Variants in CNNM3 observed in about 807,000 individuals in gnomAD.
CNNM3 encodes metal transporter CNNM3.
Under a neutral mutation model 57.1 loss-of-function variants are expected in CNNM3, and 47 were observed. That is an observed-to-expected ratio of 0.82 (90% CI 0.65 to 1.05). CNNM3 has a LOEUF of 1.05. Among genes scored for constraint, CNNM3 ranks in the 50% least tolerant of loss-of-function variants. The pLI is 0.00. For synonymous variants in CNNM3, 507 were observed against 478.2 expected (o/e 1.06, Z -0.79); for missense variants, 957 against 973.7 (o/e 0.98, Z 0.23).
chr2:96,828,783 C>T (rs1244039816), intron 6 of CNNM3, 83 bp downstream of exon 6: 17 of 1,566,010 alleles, frequency 1.1e-5, no homozygotes, highest in South Asian at 9.2e-5. Flanking sequence ...TGAGACTGCC[C>T]GGAACAAGGC....
chr2:96,827,845 A>C lies in CNNM3; in HGVS notation c.1634A>C (p.His545Pro), dbSNP rs769584782. Residue 545 changes from histidine (H) to proline (P), a missense_variant, in exon 4 of 8, where the codon CAC becomes CCC. Transcript: ENST00000305510. ...GACGAGAGCAACCGGCTGGCCACAC[A>C]CCACTACCTGTACCAGCGCAGCCAG... ...RFDESNRLATHHYLYQRSQPV... is the reference protein window; with the variant it reads ...RFDESNRLATPHYLYQRSQPV... 4 of 1,614,024 alleles carry C rather than the reference A, an allele frequency of 2.5e-6. No individual in the cohort carries two copies. In the South Asian group the frequency reaches 3.3e-5, roughly 13 times the overall value.
chr2:96,835,920 AGTGGTGGACACCT>A (rs1379875271), downstream of CNNM3, among the ~76,000 whole-genome samples: 1 of 152,024 alleles, frequency 6.6e-6, no homozygotes, highest in Non-Finnish European at 1.5e-5. Flanking sequence ...TGCATTTCCC[AGTGGTGGACACCT>A]GTGTTTCGCT....
chr2:96,822,254 C>T (rs763368034), intron 1 of CNNM3, among the ~76,000 whole-genome samples: 1 of 152,056 alleles, frequency 6.6e-6, no homozygotes, highest in Non-Finnish European at 1.5e-5. Flanking sequence ...CCGCCCGTCT[C>T]GGCCTCCCAA....
downstream of CNNM3, among the ~76,000 whole-genome samples, chr2:96,836,298 A>G (rs2079690773): frequency 6.8e-6 from 1 of 147,370 alleles, no homozygotes; most frequent in South Asian, 2.1e-4. Flanking sequence ...GCTGGAGTTC[A>G]ATGGCGTGGT....
chr2:96,826,841 G>A lies in CNNM3; in HGVS notation c.1378G>A (p.Val460Met), dbSNP rs140576686. Residue 460 changes from valine to methionine, a missense_variant, in exon 3 of 8, where the codon GTG becomes ATG. Transcript: ENST00000305510. ...LDESEDYRDTVVKRKPASLMA... is the reference protein window; with the variant it reads ...LDESEDYRDTMVKRKPASLMA... The stretch of plus-strand genomic sequence containing the variant: ...CTCTTCTTCCATCTTAGGAGACACC[G>A]TGGTGAAGAGGAAGCCTGCTTCTCT... The A allele has an allele frequency of 3.8e-4, 610 of 1,614,190 alleles. 1 individual carries two copies. The African/African-American group carries it at 6.3e-3, about 17-fold the overall frequency.
At chr2:96,817,619 C>A in intron 1 of CNNM3, 117 bp downstream of exon 1, 1 of 947,412 alleles carries the variant, frequency 1.1e-6, no homozygotes, top group Non-Finnish European at 1.6e-6. Flanking sequence ...AGCAGTGAGA[C>A]CTCTAAGGTC....
At chr2:96,828,277 C>A (rs571853444) in intron 5 of CNNM3, 82 bp downstream of exon 5, 6 of 1,129,424 alleles carry the variant, frequency 5.3e-6, no homozygotes, top group Admixed American at 2.0e-5. Context: ...GCTCTCAGTG[C>A]CCCTCCTCAC....
Position 96,831,719 on chromosome 2 carries a change from AT to A in CNNM3, c.2060-832del, listed in dbSNP as rs150828753. 6.0e-3 allele frequency among the ~76,000 whole-genome samples: 910 copies of A among 152,314 alleles called. 14 individuals carry two copies. Among genetic ancestry groups the A allele is most frequent in the African/African-American group, 0.021 (867 of 41,564 alleles). On this transcript the variant is annotated intron_variant, in intron 7 of 7. Coordinates refer to ENST00000305510, the MANE Select transcript of CNNM3 (RefSeq NM_017623.5). ...GGTAGGTCCTCCACGTCAGTTCTTC[AT>A]GGAACTGTATTGCCGAGGGAAAGGC...
intron 1 of CNNM3, among the ~76,000 whole-genome samples, chr2:96,824,097 G>A (rs937337466): frequency 3.3e-5 from 5 of 152,088 alleles, no homozygotes; most frequent in East Asian, 1.9e-4. Context: ...AAATTACTTA[G>A]GTGGCTTGCA....
intron 1 of CNNM3, 105 bp from the exon 2 acceptor site, chr2:96,824,953 G>C: frequency 2.3e-6 from 3 of 1,294,392 alleles, no homozygotes; most frequent in Non-Finnish European, 3.3e-6. Context: ...CACGTTGTAG[G>C]AGCATGAACG....
intron 1 of CNNM3, among the ~76,000 whole-genome samples, chr2:96,821,153 C>T (rs572653838): frequency 6.6e-6 from 1 of 152,264 alleles, no homozygotes; most frequent in Admixed American, 6.5e-5. Flanking sequence ...GAGGGCCATT[C>T]GTGGGCAGAC....
rs561535015 is a variant in CNNM3, at chr2:96,833,840, T to C, written c.*1224T>C. The stretch of plus-strand genomic sequence containing the variant: ...CAACAGTGATATCCTTGCTTAGAAA[T>C]TGTCCTCAAGGAATAAACTCTGAGA... On this transcript the variant is annotated 3_prime_UTR_variant, in exon 8 of 8. Transcript: ENST00000305510. The C allele has an allele frequency of 6.6e-6, 1 of 152,266 alleles. No homozygotes were observed. Among genetic ancestry groups the C allele is most frequent in the African/African-American group, 2.4e-5 (1 of 41,532 alleles). 9.4% of individuals were successfully genotyped at this position (152,266 alleles called of 1,614,324 possible). A position where few individuals can be genotyped will look rare whatever the true frequency, so the allele number is the denominator to read the frequency against.
At position 96,825,120 on chromosome 2, in the gene CNNM3, G is replaced by A. The variant is rs1331333525; in HGVS notation, c.1288G>A (p.Glu430Lys). The A allele has an allele frequency of 5.0e-6, 8 of 1,614,070 alleles. No individual in the cohort carries two copies. Among genetic ancestry groups the A allele is most frequent in the East Asian group, 2.2e-5 (1 of 44,862 alleles). The change falls in exon 2 of 8, where the codon GAG (glutamate) becomes AAG (lysine). Residue 430 changes from glutamate to lysine, a missense_variant. By Grantham distance (56) the Glu-to-Lys change is moderately conservative. This residue lies in a region of CNNM3 where 491 missense variants were observed against 570.6 expected (regional missense o/e 0.86). Transcript: ENST00000305510. ...NNEGEGDPFY[E>K]VLGLVTLEDV... ...CGAGGGTGAAGGCGACCCCTTCTAC[G>A]AGGTCCTGGGCCTGGTCACCCTGGA...
chr2:96,816,836 G>T lies in CNNM3; in HGVS notation c.559G>T (p.Ala187Ser). The T allele has an allele frequency of 9.6e-7, 1 of 1,041,304 alleles. No individual in the cohort carries two copies. Among genetic ancestry groups the T allele is most frequent in the Non-Finnish European group, 1.1e-6 (1 of 869,722 alleles). The allele number at this position is 1,041,304 out of a possible 1,614,324, so 64.5% of individuals were successfully genotyped here. The part of the protein sequence containing the change: ...ERAAARRLEP[A>S]RRWAGCALGA... ...TGCGGCGGCGCGGCGTTTGGAGCCC[G>T]CGCGGCGCTGGGCCGGCTGCGCCTT... The change falls in exon 1 of 8, where the codon GCG becomes TCG. Residue 187 changes from alanine (A) to serine (S), a missense_variant. By Grantham distance (99) the Ala-to-Ser change is moderately conservative (BLOSUM62 1). Around this residue, in one of 2 missense-constraint regions of CNNM3, gnomAD observed 466 missense variants for 403.1 expected, o/e 1.16. Coordinates refer to ENST00000305510, the MANE Select transcript of CNNM3 (RefSeq NM_017623.5).
At chr2:96,830,074 A>C (rs1483895219) in intron 7 of CNNM3, among the ~76,000 whole-genome samples, 1 of 152,226 alleles carries the variant, frequency 6.6e-6, no homozygotes, top group Non-Finnish European at 1.5e-5. Flanking sequence ...AAGAGTCTGA[A>C]GTGTAGGCTG....
chr2:96,817,420 C>T lies in CNNM3; in HGVS notation c.1143C>T (p.Thr381=), dbSNP rs756950333. 2.2e-5 allele frequency: 35 copies of T among 1,614,034 alleles called. No individual in the cohort carries two copies. Among genetic ancestry groups the T allele is most frequent in the Non-Finnish European group, 2.9e-5 (34 of 1,180,044 alleles). Residue 381 remains threonine (T), a synonymous_variant, in exon 1 of 8, where the codon ACC becomes ACT. Coordinates refer to ENST00000305510, the MANE Select transcript of CNNM3 (RefSeq NM_017623.5). The part of the protein sequence containing the change: ...VDPEDCTPLS[T]ITRFYNHPLH... ...CCGAAGACTGCACGCCGCTCAGCAC[C>T]ATCACTCGTTTCTACAACCATCCGC...
At chr2:96,827,085 C>T (rs1457408000) in intron 3 of CNNM3, 103 bp downstream of exon 3, 27 of 1,347,626 alleles carry the variant, frequency 2.0e-5, no homozygotes, top group East Asian at 9.4e-5. Context: ...TCCTAGCAGG[C>T]GGGTGCGTCT....
downstream of CNNM3, among the ~76,000 whole-genome samples, chr2:96,836,241 T>C: frequency 9.9e-6 from 1 of 100,920 alleles, no homozygotes; most frequent in Admixed American, 9.2e-5. Flanking sequence ...CCCAGCTAAT[T>C]TTTTTTTTTT....
chr2:96,835,463 A>G (rs984737206), downstream of CNNM3, among the ~76,000 whole-genome samples: 2 of 149,442 alleles, frequency 1.3e-5, no homozygotes, highest in South Asian at 2.1e-4. Context: ...TTTTTAAACA[A>G]TCAAACTTTT....
Sources: allele counts gnomAD v4.1 joint callset (sites outside exome capture counted in the v4.1 genomes callset), GRCh38; gene constraint gnomAD v4.1.1; regional missense constraint gnomAD v4.1.1; transcripts MANE v1.5; gene names NCBI Gene and HGNC (gene_info 2026-07-23, HGNC 2026-07-21).